INVS: variants seen among roughly 807,000 people sequenced by gnomAD.
INVS encodes the protein inversion of embryo turning homolog.
INVS carries 86 observed loss-of-function variants against 108.8 expected under a neutral mutation model. The observed-to-expected ratio is 0.79, with a 90% CI of 0.66 to 0.95. INVS has a LOEUF of 0.95. Ranked by LOEUF, INVS falls within the 40% of genes least tolerant of loss-of-function variation. The probability of loss-of-function intolerance (pLI) is 0.00; values close to 1 mark genes in which losing one functional copy is unlikely to be tolerated. For missense variants in INVS, 1,169 were observed against 1,297.4 expected (o/e 0.90, Z 1.52); for synonymous variants, 455 against 473.5 (o/e 0.96, Z 0.51).
intron 3 of INVS, among the ~76,000 whole-genome samples, chr9:100,182,478 C>A (rs1425215515): frequency 6.6e-6 from 1 of 151,944 alleles, no homozygotes; most frequent in African/African-American, 2.4e-5. Flanking sequence ...AAAAAACAGA[C>A]ACTGTCTTCA....
chr9:100,196,603 C>T (rs934524631), intron 3 of INVS, among the ~76,000 whole-genome samples: 1 of 151,456 alleles, frequency 6.6e-6, no homozygotes, highest in Non-Finnish European at 1.5e-5. Context: ...AAAGGGGTCG[C>T]TGTTCTATCT....
rs745703727 is a variant in INVS, at chr9:100,226,221, C to A, written c.433C>A (p.Gln145Lys). 8 of 1,613,662 alleles carry A rather than the reference C, an allele frequency of 5.0e-6. No homozygotes were observed. The highest frequency in any genetic ancestry group is 6.8e-6 in the Non-Finnish European group (8 of 1,179,894). Reference protein sequence around the residue: ...KFMAPGEVDTQDKNKQTALHW... With the variant: ...KFMAPGEVDTKDKNKQTALHW... ...TATGGCACCAGGAGAAGTGGATACACAGGATAAAAACAAGGTAATGGATAC... is the reference window on the plus strand; with the variant it reads ...TATGGCACCAGGAGAAGTGGATACAAAGGATAAAAACAAGGTAATGGATAC... The change falls in exon 4 of 17, where the codon CAG becomes AAG. Residue 145 changes from glutamine (Q) to lysine (K), a missense_variant. Physicochemically the swap from Gln to Lys is moderately conservative, Grantham distance 53. Coordinates refer to ENST00000262457, the MANE Select transcript of INVS (RefSeq NM_014425.5).
Position 100,272,948 on chromosome 9 carries a change from A to C in INVS, c.1656A>C (p.Ala552=). 6.2e-7 allele frequency: 1 copy of C among 1,614,150 alleles called. No homozygotes were observed. Among genetic ancestry groups the C allele is most frequent in the African/African-American group, 1.3e-5 (1 of 75,026 alleles). ...TGGAGCACGGTGCCCTGTCCATCGC[A>C]GCCATACAAGACATCGCCGCCTTCA... is the stretch of plus-strand genomic sequence containing the variant. ...FMLEHGALSI[A]AIQDIAAFKI... The change falls in exon 12 of 17, where the codon GCA becomes GCC. Residue 552 remains alanine, a synonymous_variant. Coordinates refer to ENST00000262457, the MANE Select transcript of INVS (RefSeq NM_014425.5).
At chr9:100,137,624 A>T (rs913341377) in intron 3 of INVS, among the ~76,000 whole-genome samples, 1 of 152,230 alleles carries the variant, frequency 6.6e-6, no homozygotes, top group African/African-American at 2.4e-5. Flanking sequence ...TATTTCTAAC[A>T]TACTTACATC....
In INVS at chr9:100,300,602, C is replaced by G. The variant is rs1833937279; in HGVS notation, c.3126C>G (p.Asn1042Lys). The change falls in exon 17 of 17, where the codon AAC becomes AAG. Residue 1042 changes from asparagine (N) to lysine (K), a missense_variant. Physicochemically the swap from Asn to Lys is moderately conservative, Grantham distance 94. Transcript: ENST00000262457. Reference protein sequence around the residue: ...SNLQCIHLLENSGRSKNFSYN... With the variant: ...SNLQCIHLLEKSGRSKNFSYN... ...TACAGTGTATACATCTCCTTGAGAA[C>G]AGTGGAAGATCAAAGAACTTTTCTT... The G allele has an allele frequency of 6.2e-7, 1 of 1,613,672 alleles. No individual in the cohort carries two copies. The highest frequency in any genetic ancestry group is 1.3e-5 in the African/African-American group (1 of 75,010).
chr9:100,230,752 C>T (rs1197619994), intron 5 of INVS, among the ~76,000 whole-genome samples: 1 of 152,092 alleles, frequency 6.6e-6, no homozygotes, highest in African/African-American at 2.4e-5. Flanking sequence ...CTCTTGACCT[C>T]GTGATCTACC....
intron 12 of INVS, among the ~76,000 whole-genome samples, chr9:100,282,809 A>C (rs1833320744): frequency 6.9e-6 from 1 of 145,584 alleles, no homozygotes; most frequent in Non-Finnish European, 1.5e-5. Context: ...CATTCCATCT[A>C]GTGGTATAGT....
chr9:100,249,491 A>G (rs1254987860), intron 8 of INVS, among the ~76,000 whole-genome samples: 1 of 151,990 alleles, frequency 6.6e-6, no homozygotes, highest in Non-Finnish European at 1.5e-5. Context: ...ATTTGAATTT[A>G]TTTTTATTTA....
At chr9:100,259,796 C>T (rs924612531) in intron 10 of INVS, among the ~76,000 whole-genome samples, 9 of 151,980 alleles carry the variant, frequency 5.9e-5, no homozygotes, top group East Asian at 1.9e-4. Context: ...GTGATCCGCC[C>T]GCCTCGGCCT....
chr9:100,139,976 A>C (rs989167193), intron 3 of INVS, among the ~76,000 whole-genome samples: 6 of 152,124 alleles, frequency 3.9e-5, no homozygotes, highest in Non-Finnish European at 7.4e-5. Flanking sequence ...AATTCAGAGA[A>C]ATTTTGTACA....
intron 5 of INVS, among the ~76,000 whole-genome samples, chr9:100,234,967 T>TA (rs931601725): frequency 2.0e-5 from 3 of 152,192 alleles, no homozygotes; most frequent in African/African-American, 7.2e-5. Flanking sequence ...AGTGGGGTGT[T>TA]AAAGTATCCC....
intron 5 of INVS, 32 bp from the exon 6 acceptor site, chr9:100,240,028 T>G: frequency 6.4e-7 from 1 of 1,571,128 alleles, no homozygotes; most frequent in South Asian, 1.1e-5. Flanking sequence ...GGATTCCATG[T>G]ATGTCTGAAG....
intron 16 of INVS, among the ~76,000 whole-genome samples, chr9:100,300,183 T>G (rs1188948860): frequency 6.6e-6 from 1 of 152,244 alleles, no homozygotes; most frequent in African/African-American, 2.4e-5. Flanking sequence ...GAATATTTTC[T>G]AACAAACCTA....
At chr9:100,225,083 A>G (rs1831271905) in intron 3 of INVS, among the ~76,000 whole-genome samples, 1 of 145,076 alleles carries the variant, frequency 6.9e-6, no homozygotes. Flanking sequence ...TTTGAGACGG[A>G]GTCTCACTCT....
Position 100,292,786 on chromosome 9 carries a change from G to T in INVS, c.2529G>T (p.Gly843=). 6.2e-7 allele frequency: 1 copy of T among 1,614,122 alleles called. No individual in the cohort carries two copies. The highest frequency in any genetic ancestry group is 8.5e-7 in the Non-Finnish European group (1 of 1,180,020). ...NKVTQAKLTG[G]LYSHLPQSTE... The stretch of plus-strand genomic sequence containing the variant: ...TGACACAAGCCAAGCTCACAGGAGG[G>T]CTCTATTCACATTTGCCACAGAGCA... Residue 843 remains glycine (G), a synonymous_variant, in exon 14 of 17, where the codon GGG becomes GGT. Coordinates refer to ENST00000262457, the MANE Select transcript of INVS (RefSeq NM_014425.5).
chr9:100,270,478 C>T (rs914192388), intron 11 of INVS, among the ~76,000 whole-genome samples: 1 of 152,040 alleles, frequency 6.6e-6, no homozygotes, highest in Admixed American at 6.5e-5. Flanking sequence ...GGTGCAGTGG[C>T]TCATGCCTGT....
intron 3 of INVS, among the ~76,000 whole-genome samples, chr9:100,214,579 A>T (rs1830930646): frequency 6.6e-6 from 1 of 152,232 alleles, no homozygotes; most frequent in African/African-American, 2.4e-5. Flanking sequence ...TGTCAGAAGA[A>T]GCATATGGAT....
Position 100,292,843 on chromosome 9 carries a change from G to C in INVS, c.2586G>C (p.Leu862=). Residue 862 remains leucine (L), a synonymous_variant, in exon 14 of 17, where the codon CTG becomes CTC. Coordinates refer to ENST00000262457, the MANE Select transcript of INVS (RefSeq NM_014425.5). ...TEELRSGARR[L]ETSTLSEDFQ... is the part of the protein sequence containing the mutation. ...AGTTGAGGTCAGGAGCTAGGAGGCT[G>C]GAGACATCTACCCTGTCCGAGGACT... 1.2e-6 allele frequency: 2 copies of C among 1,614,168 alleles called. No individual in the cohort carries two copies. The highest frequency in any genetic ancestry group is 1.7e-6 in the Non-Finnish European group (2 of 1,180,036).
In INVS at chr9:100,100,978, T is replaced by C. The variant is rs186289595; in HGVS notation, c.-25+1562T>C. Among the ~76,000 whole-genome samples the C allele has an allele frequency of 0.016, 1,232 of 78,566 alleles. 177 individuals carry two copies. The East Asian group carries it at 0.27, about 17-fold the overall frequency. 51.5% of individuals were successfully genotyped at this position (78,566 alleles called of 152,430 possible). ...TATTATATATATAATATATATTATA[T>C]ATATAATATATATGTATATATAATA... On this transcript the variant is annotated intron_variant, in intron 1 of 16. Coordinates refer to ENST00000262457, the MANE Select transcript of INVS (RefSeq NM_014425.5).
Sources: gnomAD v4.1 joint callset for allele counts (sites outside exome capture counted in the v4.1 genomes callset) on GRCh38, gnomAD v4.1.1 for gene constraint, MANE v1.5 for transcripts, NCBI Gene and HGNC (gene_info 2026-07-23, HGNC 2026-07-21) for gene names.